The following NAV2 variants were observed in gnomAD, a reference collection of about 807,000 sequenced individuals.
NAV2 encodes neuron navigator 2.
A neutral mutation model predicts 223.2 loss-of-function variants in NAV2; 54 were observed. The observed-to-expected ratio is 0.24, with a 90% CI of 0.19 to 0.30. The LOEUF is 0.30. Ranked by LOEUF, NAV2 falls within the 10% of genes least tolerant of loss-of-function variation. The pLI is 1.00. For missense variants in NAV2, 2,806 were observed against 3,147.5 expected (o/e 0.89, Z 2.60); for synonymous variants, 1,279 against 1,239.3 (o/e 1.03, Z -0.67).
chr11:19,526,037 C>T (rs2043833998), intron 1 of NAV2, among the ~76,000 whole-genome samples: 1 of 152,082 alleles, frequency 6.6e-6, no homozygotes, highest in African/African-American at 2.4e-5. Flanking sequence ...AAATGTTGCC[C>T]CAGAAGAAGG....
At chr11:19,604,468 A>T (rs2046432116) in intron 1 of NAV2, among the ~76,000 whole-genome samples, 1 of 152,166 alleles carries the variant, frequency 6.6e-6, no homozygotes, top group African/African-American at 2.4e-5. Context: ...GTTGTCATTT[A>T]TGGGGTTGGG....
At chr11:19,488,634 A>C (rs2042526221) in intron 1 of NAV2, among the ~76,000 whole-genome samples, 1 of 152,232 alleles carries the variant, frequency 6.6e-6, no homozygotes, top group African/African-American at 2.4e-5. Context: ...CTTATTCCAC[A>C]GCATTGTTAG....
rs2062906135 is a variant in NAV2, at chr11:20,114,694, C to A, written c.7063C>A (p.Gln2355Lys). ...ACAGCACGAGTGGCCTCCCCTGCTG[C>A]AGTTACGGCCTGAGGATGTCGGCTT... Reference protein sequence around the residue: ...PQQHEWPPLLQLRPEDVGFDG... With the variant: ...PQQHEWPPLLKLRPEDVGFDG... The change falls in exon 37 of 38, where the codon CAG becomes AAG. Residue 2355 changes from glutamine (Q) to lysine (K), a missense_variant. Coordinates refer to ENST00000349880, the MANE Select transcript of NAV2 (RefSeq NM_145117.5). 1.2e-6 allele frequency: 2 copies of A among 1,614,150 alleles called. No individual in the cohort carries two copies. The highest frequency in any genetic ancestry group is 3.3e-4 in the Middle Eastern group (2 of 6,060).
At position 20,049,032 on chromosome 11, in the gene NAV2, T is replaced by C. The variant is rs1439973193; in HGVS notation, c.4207T>C (p.Ser1403Pro). Residue 1403 changes from serine (S) to proline (P), a missense_variant, in exon 15 of 38, where the codon TCT (serine) becomes CCT (proline). Ser to Pro is a moderately conservative substitution (Grantham distance 74, BLOSUM62 -1). This residue lies in a region of NAV2 where 742 missense variants were observed against 777.9 expected (regional missense o/e 0.95). Transcript: ENST00000349880. ...AVSKDGLGFQ[S>P]VSSLHTSCES... is the part of the protein sequence containing the mutation. ...TAGCAAGGATGGCCTGGGCTTTCAG[T>C]CTGTCAGCAGCCTCCACACCAGCTG... 1 of 1,614,078 alleles carries C rather than the reference T, an allele frequency of 6.2e-7. No homozygotes were observed. Among genetic ancestry groups the C allele is most frequent in the South Asian group, 1.1e-5 (1 of 91,068 alleles).
chr11:19,533,883 T>A (rs2044106191), intron 1 of NAV2, among the ~76,000 whole-genome samples: 1 of 145,114 alleles, frequency 6.9e-6, no homozygotes, highest in Admixed American at 6.6e-5. Flanking sequence ...ATTTTTTGTA[T>A]TTTTAGTAGA....
intron 26 of NAV2, among the ~76,000 whole-genome samples, chr11:20,085,208 A>AG (rs2060358208): frequency 6.6e-6 from 1 of 151,508 alleles, no homozygotes; most frequent in East Asian, 1.9e-4. Flanking sequence ...AAAAAAAAAA[A>AG]AAGTTAAACA....
In NAV2 at chr11:20,119,050, T is replaced by C. The variant is rs955559901; in HGVS notation, c.*792T>C. ...AGCATGTGTCTCTTTCCTTCTGATA[T>C]ATGAATGAATCAGGTTTTTTTTTTT... On this transcript the variant is annotated 3_prime_UTR_variant, in exon 38 of 38. Coordinates refer to ENST00000349880, the MANE Select transcript of NAV2 (RefSeq NM_145117.5). The C allele has an allele frequency of 4.2e-5, 6 of 143,722 alleles. No homozygotes were observed. Among genetic ancestry groups the C allele is most frequent in the African/African-American group, 1.3e-4 (5 of 39,494 alleles). The allele number at this position is 143,722 out of a possible 1,614,324, so 8.9% of individuals were successfully genotyped here. A position where few individuals can be genotyped will look rare whatever the true frequency, so the allele number is the denominator to read the frequency against.
rs938814953 is a variant in NAV2 at position 20,033,661 on chromosome 11, G to A, written c.2769-2298G>A. Among the ~76,000 whole-genome samples the A allele has an allele frequency of 4.6e-5, 7 of 152,274 alleles. No individual in the cohort carries two copies. In the Middle Eastern group the frequency reaches 0.01, roughly 222 times the overall value. On this transcript the variant is annotated intron_variant, in intron 11 of 37. Coordinates refer to ENST00000349880, the MANE Select transcript of NAV2 (RefSeq NM_145117.5). ...CTCACATTCCCCTGCATTTCTGTGC[G>A]ATGTTCCAGGTTGGGTTTTGGAAGC...
intron 29 of NAV2, among the ~76,000 whole-genome samples, chr11:20,094,630 C>A (rs2061113684): frequency 6.6e-6 from 1 of 152,162 alleles, no homozygotes; most frequent in South Asian, 2.1e-4. Context: ...CAAAAGTTTA[C>A]AAGTCACCTT....
At chr11:19,831,953 G>A (rs943037910) in intron 1 of NAV2, among the ~76,000 whole-genome samples, 1 of 152,204 alleles carries the variant, frequency 6.6e-6, no homozygotes, top group Non-Finnish European at 1.5e-5. Flanking sequence ...ACTCACACAA[G>A]AGTAATTGAA....
chr11:19,929,890 G>A (rs1317053908), intron 6 of NAV2, among the ~76,000 whole-genome samples: 1 of 152,108 alleles, frequency 6.6e-6, no homozygotes, highest in Non-Finnish European at 1.5e-5. Flanking sequence ...AGCACCACGT[G>A]GTAACACAAG....
chr11:19,655,349 C>G (rs1305217810), intron 1 of NAV2, among the ~76,000 whole-genome samples: 2 of 152,164 alleles, frequency 1.3e-5, no homozygotes, highest in Non-Finnish European at 2.9e-5. Flanking sequence ...CCTCAAGGAT[C>G]TATAACTAGA....
chr11:19,549,877 A>G (rs551454057), intron 1 of NAV2, among the ~76,000 whole-genome samples: 111 of 152,298 alleles, frequency 7.3e-4, no homozygotes, highest in African/African-American at 2.5e-3. Flanking sequence ...CTTTTTCCTG[A>G]TAGCCACTTC....
chr11:19,785,953 A>G (rs1470939124), intron 1 of NAV2, among the ~76,000 whole-genome samples: 4 of 152,108 alleles, frequency 2.6e-5, no homozygotes, highest in Non-Finnish European at 5.9e-5. Flanking sequence ...GGTGCTTATC[A>G]CTCAGTAAGG....
chr11:19,912,058 G>A (rs2043358305), intron 6 of NAV2, among the ~76,000 whole-genome samples: 1 of 152,122 alleles, frequency 6.6e-6, no homozygotes, highest in Non-Finnish European at 1.5e-5. Flanking sequence ...ATTTCTACTA[G>A]GTTACATCCT....
chr11:19,436,613 A>G (rs969437714), intron 1 of NAV2, among the ~76,000 whole-genome samples: 10 of 152,152 alleles, frequency 6.6e-5, no homozygotes, highest in Non-Finnish European at 1.3e-4. Context: ...TATTTCTGTG[A>G]AAAATGACAT....
chr11:19,685,674 G>C (rs2049003190), intron 1 of NAV2, among the ~76,000 whole-genome samples: 1 of 152,214 alleles, frequency 6.6e-6, no homozygotes, highest in South Asian at 2.1e-4. Context: ...AGGAATTGCA[G>C]CTGAAGACTT....
At chr11:20,043,784 C>T (rs2057178584) in intron 12 of NAV2, 197 bp from the exon 13 acceptor site, 3 of 565,422 alleles carry the variant, frequency 5.3e-6, no homozygotes, top group Non-Finnish European at 3.1e-6. Context: ...ATATTATTTA[C>T]TTTTTTATTT....
At chr11:20,072,076 A>C (rs1328097112) in intron 22 of NAV2, among the ~76,000 whole-genome samples, 1 of 152,188 alleles carries the variant, frequency 6.6e-6, no homozygotes, top group Non-Finnish European at 1.5e-5. Context: ...TTTAGGTCTT[A>C]GGTTTAATTC....
Sources: gnomAD v4.1 joint callset for allele counts (sites outside exome capture counted in the v4.1 genomes callset) on GRCh38, gnomAD v4.1.1 for gene constraint, gnomAD v4.1.1 regional missense constraint, MANE v1.5 for transcripts, NCBI Gene and HGNC (gene_info 2026-07-23, HGNC 2026-07-21) for gene names.